MPP4: variants seen among roughly 807,000 people sequenced by gnomAD.
MPP4 encodes the protein MAGUK p55 subfamily member 4.
Under a neutral mutation model 98.3 loss-of-function variants are expected in MPP4, and 91 were observed. The observed-to-expected ratio is 0.93, with a 90% CI of 0.78 to 1.10. The LOEUF (loss-of-function observed/expected upper bound fraction) is 1.10. MPP4 is among the 50% of genes least tolerant of loss of function. The pLI is 0.00. For synonymous variants in MPP4, 261 were observed against 271.8 expected, an observed-to-expected ratio of 0.96 and a Z score of 0.39; for missense variants, 744 against 792.9, an observed-to-expected ratio of 0.94 and a Z score of 0.74.
intron 10 of MPP4, among the ~76,000 whole-genome samples, chr2:201,678,848 C>T (rs575192305): frequency 7.9e-5 from 12 of 152,244 alleles, no homozygotes; most frequent in African/African-American, 7.2e-5. Flanking sequence ...CACTCCTGCT[C>T]ACTCCTAGGT....
chr2:201,668,059 C>A (rs1029253917), intron 12 of MPP4, among the ~76,000 whole-genome samples: 1 of 152,094 alleles, frequency 6.6e-6, no homozygotes, highest in African/African-American at 2.4e-5. Context: ...CAGTACATAA[C>A]AAAGTTGTTT....
chr2:201,663,129 G>T (rs1173254132), intron 14 of MPP4, among the ~76,000 whole-genome samples: 1 of 152,206 alleles, frequency 6.6e-6, no homozygotes, highest in Non-Finnish European at 1.5e-5. Flanking sequence ...CTGTTTGAAT[G>T]TCTCTCTCTG....
chr2:201,679,101 A>C (rs1431091143), intron 10 of MPP4, among the ~76,000 whole-genome samples: 2 of 151,966 alleles, frequency 1.3e-5, no homozygotes, highest in African/African-American at 4.8e-5. Flanking sequence ...TCCCAGCCCC[A>C]ATACACCGTT....
At chr2:201,697,907 G>A (rs1689239557) in intron 1 of MPP4, 1 of 979,828 alleles carries the variant, frequency 1.0e-6, no homozygotes, top group African/African-American at 1.9e-5. Context: ...CTGATGCCTG[G>A]CATGATGCCT....
At chr2:201,665,358 C>A (rs1373813432) in intron 13 of MPP4, 1 of 152,196 alleles carries the variant, frequency 6.6e-6, no homozygotes, top group African/African-American at 2.4e-5. Flanking sequence ...GCATGAGCCA[C>A]CACGCCCGGC....
At chr2:201,691,475 G>A (rs1370842397) in intron 3 of MPP4, among the ~76,000 whole-genome samples, 2 of 151,840 alleles carry the variant, frequency 1.3e-5, no homozygotes, top group African/African-American at 4.8e-5. Flanking sequence ...TATAGTGCAT[G>A]GAATTTTAGC....
chr2:201,661,411 G>C (rs753619160), intron 14 of MPP4: 6 of 456,522 alleles, frequency 1.3e-5, no homozygotes, highest in Non-Finnish European at 2.2e-5. Context: ...AGGGTTCTAT[G>C]CTTAGAAAAT....
At position 201,686,052 on chromosome 2, in the gene MPP4, T is replaced by C; in HGVS notation, c.361-2A>G. The C allele has an allele frequency of 1.9e-6, 3 of 1,611,058 alleles. No individual in the cohort carries two copies. The highest frequency in any genetic ancestry group is 2.5e-6 in the Non-Finnish European group (3 of 1,177,578). On this transcript the variant is annotated splice_acceptor_variant, in intron 5 of 21. Transcript: ENST00000409474. LOFTEE classifies it high-confidence loss of function. ...CGTGTCATGGGCACTGAGCAAGGCC[T>C]GGGCACAGGGAAGGAAAAGGTGAGC...
chr2:201,666,201 G>C, intron 13 of MPP4, 133 bp downstream of exon 13: 2 of 614,358 alleles, frequency 3.3e-6, no homozygotes, highest in African/African-American at 1.9e-5. Context: ...AAGATAGATG[G>C]GGGTGGAGGG....
chr2:201,681,881 C>A (rs1486482830), intron 8 of MPP4, among the ~76,000 whole-genome samples: 1 of 151,604 alleles, frequency 6.6e-6, no homozygotes, highest in African/African-American at 2.4e-5. Flanking sequence ...CTCACACAGG[C>A]CCTGGGGAGA....
At chr2:201,658,542 G>A in intron 15 of MPP4, 24 bp from the exon 16 acceptor site, 2 of 1,606,228 alleles carry the variant, frequency 1.2e-6, no homozygotes, top group Non-Finnish European at 1.7e-6. Flanking sequence ...AACAGATGGA[G>A]CAGAATATGT....
At chr2:201,684,959 A>G in intron 7 of MPP4, 105 bp downstream of exon 7, 148 of 876,076 alleles carry the variant, frequency 1.7e-4, no homozygotes, top group Non-Finnish European at 1.8e-4. Context: ...AAAAAAAAAA[A>G]AGAAAAAAAA....
Position 201,693,868 on chromosome 2 carries a change from A to G in MPP4, c.79+8T>C. ...CTGGTCTAGAAAAGGAGTCCTGGTG[A>G]CACATACCATTCTGTGGATTGGTGG... On this transcript the variant is annotated splice_region_variant and intron_variant, in intron 2 of 21. Coordinates refer to ENST00000409474, the MANE Select transcript of MPP4 (RefSeq NM_033066.3). 1 of 1,613,958 alleles carries G rather than the reference A, an allele frequency of 6.2e-7. No individual in the cohort carries two copies. Among genetic ancestry groups the G allele is most frequent in the Non-Finnish European group, 8.5e-7 (1 of 1,179,840 alleles).
At chr2:201,683,009 C>T (rs999346445) in intron 7 of MPP4, 93 bp from the exon 8 acceptor site, 1 of 858,764 alleles carries the variant, frequency 1.2e-6, no homozygotes, top group African/African-American at 1.7e-5. Flanking sequence ...CTCACTAACC[C>T]AAGCATGCTC....
At chr2:201,652,972 C>CAATA (rs1202053656) in intron 18 of MPP4, among the ~76,000 whole-genome samples, 5 of 152,198 alleles carry the variant, frequency 3.3e-5, no homozygotes, top group Non-Finnish European at 1.5e-5. Flanking sequence ...TTTGCAAACC[C>CAATA]TATCTCACCA....
chr2:201,657,605 T>G (rs910051759), intron 16 of MPP4, among the ~76,000 whole-genome samples: 15 of 125,220 alleles, frequency 1.2e-4, no homozygotes, highest in African/African-American at 4.3e-4. Context: ...TTTTTTGTTT[T>G]TTTGTTTTTT....
Position 201,680,902 on chromosome 2 carries a change from C to T in MPP4, c.865G>A (p.Ala289Thr), listed in dbSNP as rs1688646450. 6.2e-7 allele frequency: 1 copy of T among 1,613,716 alleles called. No homozygotes were observed. Among genetic ancestry groups the T allele is most frequent in the South Asian group, 1.1e-5 (1 of 91,006 alleles). The change falls in exon 10 of 22, where the codon GCC becomes ACC. Residue 289 changes from alanine (A) to threonine (T), a missense_variant. Transcript: ENST00000409474. ...GTAGCAGGGTCTGAGATTTTTCGGG[C>T]CTGCCACCAGAGGGCATCATTCTGG... is the stretch of plus-strand genomic sequence containing the variant. ...VDQNDALWWQ[A>T]RKISDPATCA...
chr2:201,679,042 C>G (rs1367223944), intron 10 of MPP4, among the ~76,000 whole-genome samples: 1 of 152,096 alleles, frequency 6.6e-6, no homozygotes, highest in Non-Finnish European at 1.5e-5. Context: ...GCAATCTCTC[C>G]TTAATTTTAA....
In MPP4 at chr2:201,690,223, A is replaced by G. The variant is rs764147829; in HGVS notation, c.258T>C (p.His86=). 30 of 1,609,362 alleles carry G rather than the reference A, an allele frequency of 1.9e-5. No individual in the cohort carries two copies. The South Asian group carries it at 3.3e-4, about 18-fold the overall frequency. ...TTACCTCATAGGATAACACCTGTGC[A>G]TGTGGTGTGGCAGGAACTAGTTTCT... ...KEKKLVPATP[H]AQVLSYEVVE... Residue 86 remains histidine (H), a synonymous_variant, in exon 4 of 22, where the codon CAT becomes CAC. Transcript: ENST00000409474.
Sources: allele counts gnomAD v4.1 joint callset (sites outside exome capture counted in the v4.1 genomes callset), GRCh38; gene constraint gnomAD v4.1.1; transcripts MANE v1.5; gene names NCBI Gene and HGNC (gene_info 2026-07-23, HGNC 2026-07-21).